Variants in DACH2 observed in about 807,000 individuals in gnomAD.
DACH2 encodes dachshund homolog 2.
In DACH2, 17 loss-of-function variants were observed where a neutral mutation model predicts 35.8. That is an observed-to-expected ratio of 0.48 (90% CI 0.33 to 0.71). The LOEUF (loss-of-function observed/expected upper bound fraction) is 0.71, where lower values mean the gene tolerates loss of function less well. Among genes scored for constraint, DACH2 ranks in the 30% least tolerant of loss-of-function variants. DACH2 has a pLI of 0.02. For synonymous variants in DACH2, 195 were observed against 177.3 expected (o/e 1.10, Z -0.79); for missense variants, 469 against 472.7 (o/e 0.99, Z 0.07).
chrX:86,403,994 T>A (rs2036480326), intron 2 of DACH2, among the ~76,000 whole-genome samples: 1 of 109,182 alleles, frequency 9.2e-6, no homozygotes, highest in African/African-American at 3.3e-5. Context: ...TTTTTTTTTT[T>A]AAAGCACCAG....
chrX:86,786,033 G>A (rs191420541), intron 7 of DACH2, among the ~76,000 whole-genome samples: 2 of 111,024 alleles, frequency 1.8e-5, no homozygotes, highest in Non-Finnish European at 3.8e-5. Context: ...TACATGAGAA[G>A]CCATGAAGAA....
intron 1 of DACH2, among the ~76,000 whole-genome samples, chrX:86,361,288 G>A (rs1241857566): frequency 9.0e-6 from 1 of 111,406 alleles, no homozygotes. Context: ...TTAAAAATAT[G>A]ATTTATATCT....
At chrX:86,694,985 G>A in intron 4 of DACH2, 36 bp from the exon 5 acceptor site, 1 of 1,000,560 alleles carries the variant, frequency 1.0e-6, no homozygotes, top group Non-Finnish European at 1.3e-6. Context: ...TATGAAAGTT[G>A]TCAAGTTGAA....
chrX:86,739,668 A>T, intron 6 of DACH2, 79 bp from the exon 7 acceptor site: 1 of 1,117,599 alleles, frequency 8.9e-7, no homozygotes, highest in Non-Finnish European at 1.2e-6. Context: ...AGAGGTCAAC[A>T]TTTCAAATGT....
intron 3 of DACH2, among the ~76,000 whole-genome samples, chrX:86,517,837 C>T (rs2038494186): frequency 1.8e-5 from 2 of 111,373 alleles, no homozygotes; most frequent in South Asian, 3.7e-4. Flanking sequence ...TTTTTTCCAT[C>T]GTGTAGGTTG....
At chrX:86,414,705 G>A (rs2036672148) in intron 2 of DACH2, among the ~76,000 whole-genome samples, 1 of 111,313 alleles carries the variant, frequency 9.0e-6, no homozygotes, top group South Asian at 3.8e-4. Context: ...TAAACCAAGC[G>A]AGATCAGGCA....
intron 1 of DACH2, among the ~76,000 whole-genome samples, chrX:86,238,404 CAT>C (rs2033099379): frequency 1.8e-5 from 2 of 112,142 alleles, no homozygotes; most frequent in Non-Finnish European, 3.8e-5. Context: ...GCACTAGACA[CAT>C]GTGATACATT....
chrX:86,181,134 T>C (rs894549245), intron 1 of DACH2, among the ~76,000 whole-genome samples: 5 of 103,192 alleles, frequency 4.8e-5, no homozygotes, highest in Admixed American at 2.1e-4. Context: ...ATGTCCCTGT[T>C]AGATGTCATA....
At chrX:86,296,472 A>G (rs1569336835) in intron 1 of DACH2, among the ~76,000 whole-genome samples, 1 of 110,640 alleles carries the variant, frequency 9.0e-6, no homozygotes, top group Non-Finnish European at 1.9e-5. Flanking sequence ...CATCACCTCA[A>G]CTATATAAGT....
At chrX:86,753,054 GTA>G (rs1491216713) in intron 7 of DACH2, among the ~76,000 whole-genome samples, 4 of 48,555 alleles carry the variant, frequency 8.2e-5, no homozygotes, top group African/African-American at 3.5e-4. Flanking sequence ...CTTATTAAAA[GTA>G]CACACACACA....
chrX:86,238,978 G>A (rs2033112243), intron 1 of DACH2, among the ~76,000 whole-genome samples: 1 of 111,143 alleles, frequency 9.0e-6, no homozygotes, highest in South Asian at 3.7e-4. Context: ...GATTAATGGG[G>A]TGACTGCTAA....
chrX:86,773,909 C>A lies in DACH2; in HGVS notation c.1240+34027C>A, dbSNP rs185407156. Among the ~76,000 whole-genome samples, 436 of 111,924 alleles carry A rather than the reference C, an allele frequency of 3.9e-3. 2 individuals are homozygous for A. The highest frequency in any genetic ancestry group is 6.2e-3 in the Non-Finnish European group (329 of 53,172). On this transcript the variant is annotated intron_variant, in intron 7 of 11. Coordinates refer to ENST00000373125, the MANE Select transcript of DACH2 (RefSeq NM_053281.3). ...AGAAAATGTCTAAATTAGGCATTTA[C>A]AAACTAATGATTTCCCTTCTTTTGG...
chrX:86,621,329 A>C (rs939183233), intron 3 of DACH2, among the ~76,000 whole-genome samples: 1 of 111,445 alleles, frequency 9.0e-6, no homozygotes, highest in Admixed American at 9.6e-5. Flanking sequence ...CAATACCCTA[A>C]ACTTTCACAG....
chrX:86,502,035 C>CTTCCTTCCTTCCTTCT (rs1421921463), intron 2 of DACH2, among the ~76,000 whole-genome samples: 71 of 106,405 alleles, frequency 6.7e-4, no homozygotes, highest in African/African-American at 2.4e-3. Context: ...TCCTTCCTTC[C>CTTCCTTCCTTCCTTCT]TTCCTTCCTT....
At chrX:86,408,864 G>A (rs2036565931) in intron 2 of DACH2, among the ~76,000 whole-genome samples, 2 of 111,770 alleles carry the variant, frequency 1.8e-5, no homozygotes, top group Admixed American at 1.9e-4. Context: ...CTGGATGATC[G>A]AATATTGTGC....
chrX:86,490,127 C>T (rs1265718911), intron 2 of DACH2, among the ~76,000 whole-genome samples: 1 of 111,867 alleles, frequency 8.9e-6, no homozygotes, highest in Non-Finnish European at 1.9e-5. Context: ...ATTTATTTTG[C>T]CTCATACATT....
chrX:86,749,711 GA>G (rs1290613900), intron 7 of DACH2, among the ~76,000 whole-genome samples: 8 of 111,131 alleles, frequency 7.2e-5, no homozygotes, highest in African/African-American at 2.3e-4. Context: ...AGTGCTATTG[GA>G]AAAATGACAC....
chrX:86,428,713 C>G (rs2036934111), intron 2 of DACH2, among the ~76,000 whole-genome samples: 1 of 110,031 alleles, frequency 9.1e-6, no homozygotes, highest in Non-Finnish European at 1.9e-5. Flanking sequence ...CCAGACAAGA[C>G]TATACCATAT....
At chrX:86,822,148 G>C (rs903169316) in intron 11 of DACH2, among the ~76,000 whole-genome samples, 1 of 112,043 alleles carries the variant, frequency 8.9e-6, no homozygotes, top group Admixed American at 9.5e-5. Context: ...ACTAAGTCAA[G>C]TTTTACTTTT....
Sources: allele counts gnomAD v4.1 joint callset (sites outside exome capture counted in the v4.1 genomes callset), GRCh38; gene constraint gnomAD v4.1.1; transcripts MANE v1.5; gene names NCBI Gene and HGNC (gene_info 2026-07-23, HGNC 2026-07-21).